MUTYH: variants seen among roughly 807,000 people sequenced by gnomAD.
MUTYH encodes adenine DNA glycosylase.
Under a neutral mutation model 72.9 loss-of-function variants are expected in MUTYH, and 64 were observed. The ratio of observed to expected loss-of-function variants is 0.88; its 90% CI spans 0.72 to 1.08. The LOEUF is 1.08. Among genes scored for constraint, MUTYH ranks in the 50% least tolerant of loss-of-function variants. The pLI, the probability that MUTYH is intolerant of heterozygous loss-of-function variation, is 0.00. For synonymous variants in MUTYH, 234 were observed against 263.1 expected (o/e 0.89, Z 1.07); for missense variants, 633 against 671.0 (o/e 0.94, Z 0.63).
intron 2 of MUTYH, 177 bp from the exon 3 acceptor site, chr1:45,333,738 T>C (rs573310144): frequency 1.3e-4 from 128 of 955,218 alleles, no homozygotes; most frequent in Non-Finnish European, 1.8e-4. Flanking sequence ...TGTGGCTAAG[T>C]TTCTGGCCTT....
chr1:45,334,629 C>T, intron 1 of MUTYH, 118 bp from the exon 2 acceptor site: 1 of 1,408,128 alleles, frequency 7.1e-7, no homozygotes, highest in Non-Finnish European at 9.9e-7. Flanking sequence ...CAGCTTCTCT[C>T]AAGCACTCTC....
At chr1:45,338,750 TTTTTG>T (rs1263318960) in intron 1 of MUTYH, 13 of 156,396 alleles carry the variant, frequency 8.3e-5, no homozygotes, top group African/African-American at 3.1e-4. Flanking sequence ...TTTTGTTTTT[TTTTTG>T]TTTGTTTGTT....
At chr1:45,330,412 C>G in intron 15 of MUTYH, 104 bp downstream of exon 15, 2 of 1,275,872 alleles carry the variant, frequency 1.6e-6, no homozygotes, top group Non-Finnish European at 2.2e-6. Context: ...TCCAGTGAAG[C>G]CTGGAGTGGA....
intron 14 of MUTYH, among the ~76,000 whole-genome samples, chr1:45,330,773 A>ACATGTTTC (rs1449226826): frequency 3.3e-5 from 5 of 152,014 alleles, no homozygotes; most frequent in Non-Finnish European, 5.9e-5. Context: ...AACATGGTGA[A>ACATGTTTC]ACCCCATCTC....
chr1:45,331,361 T>C, intron 13 of MUTYH, 27 bp from the exon 14 acceptor site: 1 of 1,614,226 alleles, frequency 6.2e-7, no homozygotes, highest in South Asian at 1.1e-5. Context: ...GGGGTTCAAA[T>C]AGGCCTGTGG....
rs1553127846 is a variant in MUTYH at position 45,332,299 on chromosome 1, T to G, written c.716A>C (p.Gln239Pro). The G allele has an allele frequency of 6.2e-7, 1 of 1,614,110 alleles. No homozygotes were observed. The highest frequency in any genetic ancestry group is 8.5e-7 in the Non-Finnish European group (1 of 1,179,996). The change falls in exon 10 of 16, where the codon CAG becomes CCG. Residue 239 changes from glutamine (Q) to proline (P), a missense_variant. Coordinates refer to ENST00000456914, the MANE Select transcript of MUTYH (RefSeq NM_001048174.2). The stretch of plus-strand genomic sequence containing the variant: ...TGGCCGGGCTGGGTCCACCAGCTGC[T>G]GGGCTAGACCCCTAAAAGAAGGGAA... ...LVSQQLWGLA[Q>P]QLVDPARPGD... is the part of the protein sequence containing the mutation.
Position 45,333,290 on chromosome 1 carries a change from T to C in MUTYH, c.299A>G (p.Tyr100Cys), listed in dbSNP as rs876660615. The change falls in exon 4 of 16, where the codon TAT (tyrosine) becomes TGT (cysteine). Residue 100 changes from tyrosine to cysteine, a missense_variant. Coordinates refer to ENST00000456914, the MANE Select transcript of MUTYH (RefSeq NM_001048174.2). ...CTCTCAGGAGATGTACTGACCAGCATATGCCCGCCTGTCCAGGTCCATCTC... is the reference window on the plus strand; with the variant it reads ...CTCTCAGGAGATGTACTGACCAGCACATGCCCGCCTGTCCAGGTCCATCTC... The part of the protein sequence containing the change: ...EDEMDLDRRA[Y>C]AVWVSEVMLQ... 8.1e-6 allele frequency: 13 copies of C among 1,614,212 alleles called. No individual in the cohort carries two copies. Among genetic ancestry groups the C allele is most frequent in the Non-Finnish European group, 1.1e-5 (13 of 1,180,032 alleles).
In MUTYH at chr1:45,339,960, A is replaced by G. The variant is rs965093956; in HGVS notation, c.-68T>C. 2.1e-5 allele frequency: 31 copies of G among 1,509,430 alleles called. No homozygotes were observed. Among genetic ancestry groups the G allele is most frequent in the Non-Finnish European group, 2.8e-5 (31 of 1,120,516 alleles). The allele number at this position is 1,509,430 out of a possible 1,614,324, so 93.5% of individuals were successfully genotyped here. On this transcript the variant is annotated 5_prime_UTR_variant, in exon 1 of 16. Transcript: ENST00000456914. ...GGCCCCGCGTTCCCGCCGCGAGAGC[A>G]GGAGAGAAAGATTACCTCCCGCGAG... is the stretch of plus-strand genomic sequence containing the variant.
At chr1:45,330,616 G>A in intron 14 of MUTYH, 59 bp from the exon 15 acceptor site, 1 of 1,547,992 alleles carries the variant, frequency 6.5e-7, no homozygotes, top group South Asian at 1.2e-5. Context: ...ATAAACCGGT[G>A]TTCTGCCCTT....
upstream of MUTYH, chr1:45,340,258 C>T (rs876659248): frequency 3.7e-6 from 6 of 1,613,684 alleles, no homozygotes; most frequent in Non-Finnish European, 5.1e-6. Context: ...GTGTCATGGC[C>T]GCCGACAGTG....
At chr1:45,333,377 C>A (rs1645332219) in intron 3 of MUTYH, 36 bp downstream of exon 3, 1 of 1,613,854 alleles carries the variant, frequency 6.2e-7, no homozygotes, top group Non-Finnish European at 8.5e-7. Flanking sequence ...TGGGTGCCTG[C>A]CTCCCACCCA....
intron 14 of MUTYH, 104 bp downstream of exon 14, chr1:45,331,078 C>G (rs746582610): frequency 5.4e-6 from 8 of 1,493,884 alleles, no homozygotes; most frequent in Non-Finnish European, 7.4e-6. Flanking sequence ...GAGCGATTCT[C>G]CGTCTCAAAA....
At chr1:45,335,540 C>T (rs751058250) in intron 1 of MUTYH, among the ~76,000 whole-genome samples, 9 of 152,036 alleles carry the variant, frequency 5.9e-5, no homozygotes, top group Non-Finnish European at 1.0e-4. Context: ...CCTCCAATCC[C>T]GTCTAACTGT....
intron 2 of MUTYH, among the ~76,000 whole-genome samples, chr1:45,333,824 T>C (rs1276843792): frequency 2.0e-5 from 3 of 152,212 alleles, no homozygotes; most frequent in Non-Finnish European, 4.4e-5. Context: ...AGCTAGAATG[T>C]ATACTGGTGC....
At position 45,334,937 on chromosome 1, in the gene MUTYH, T is replaced by C. The variant is rs138996772; in HGVS notation, c.-6-426A>G. Among the ~76,000 whole-genome samples the C allele has an allele frequency of 3.3e-5, 5 of 152,306 alleles. No homozygotes were observed. In the East Asian group the frequency reaches 9.7e-4, roughly 29 times the overall value. Reference sequence around the variant, plus strand: ...ATGGTTACACTGAAACAGCCTGTAGTAGTCATTAAGTCCAAAACCTTCATT... The same window carrying C: ...ATGGTTACACTGAAACAGCCTGTAGCAGTCATTAAGTCCAAAACCTTCATT... On this transcript the variant is annotated intron_variant, in intron 1 of 15. Coordinates refer to ENST00000456914, the MANE Select transcript of MUTYH (RefSeq NM_001048174.2).
At position 45,331,556 on chromosome 1, in the gene MUTYH, C is replaced by A. The variant is rs36053993; in HGVS notation, c.1103G>T (p.Gly368Val). Residue 368 changes from glycine (G) to valine (V), a missense_variant and splice_region_variant, in exon 13 of 16, where the codon GGT becomes GTT. Physicochemically the swap from Gly to Val is moderately radical, Grantham distance 109. Transcript: ENST00000456914. ...GAACTCCCACAGTCCTGCCAGCAGA[C>A]CTGAGAGGGAGGGCAGCCAGGCAGG... is the stretch of plus-strand genomic sequence containing the variant. Reference protein sequence around the residue: ...QILLVQRPNSGLLAGLWEFPS... With the variant: ...QILLVQRPNSVLLAGLWEFPS... 6.2e-7 allele frequency: 1 copy of A among 1,613,938 alleles called. No individual in the cohort carries two copies.
chr1:45,329,921 C>T lies in MUTYH; in HGVS notation c.1435-484G>A, dbSNP rs117371080. 155 of 169,980 alleles carry T rather than the reference C, an allele frequency of 9.1e-4. 3 individuals carry two copies. The East Asian group carries it at 0.023, about 25-fold the overall frequency. The allele number at this position is 169,980 out of a possible 1,614,324, so 10.5% of individuals were successfully genotyped here. On this transcript the variant is annotated intron_variant, in intron 15 of 15. Coordinates refer to ENST00000456914, the MANE Select transcript of MUTYH (RefSeq NM_001048174.2). The stretch of plus-strand genomic sequence containing the variant: ...TTCCTCCAAACAGCCTTTCCTGATC[C>T]GTCTCCCAATTAGAACTGATAGCTC...
intron 2 of MUTYH, 98 bp from the exon 3 acceptor site, chr1:45,333,659 G>A: frequency 6.5e-7 from 1 of 1,536,974 alleles, no homozygotes; most frequent in Non-Finnish European, 8.8e-7. Flanking sequence ...CCCACTTAGG[G>A]CTTCCCCCAA....
rs763693540 is a variant in MUTYH, at chr1:45,333,573, C to T, written c.116-12G>A. The T allele has an allele frequency of 2.5e-6, 4 of 1,612,798 alleles. No homozygotes were observed. Among genetic ancestry groups the T allele is most frequent in the African/African-American group, 2.7e-5 (2 of 75,026 alleles). On this transcript the variant is annotated splice_polypyrimidine_tract_variant and intron_variant, in intron 2 of 15. Coordinates refer to ENST00000456914, the MANE Select transcript of MUTYH (RefSeq NM_001048174.2). ...CTGCCTGGCCAGGCCTGCTGGGGCC[C>T]CAGGACACTCAGCAATCATCCCTGC... is the stretch of plus-strand genomic sequence containing the variant.
Sources: allele counts gnomAD v4.1 joint callset (sites outside exome capture counted in the v4.1 genomes callset), GRCh38; gene constraint gnomAD v4.1.1; transcripts MANE v1.5; gene names NCBI Gene and HGNC (gene_info 2026-07-23, HGNC 2026-07-21).